The following ADGRA3 variants were observed in gnomAD, a reference collection of about 807,000 sequenced individuals.
The protein encoded by ADGRA3 is G-protein coupled receptor 125.
In ADGRA3, 56 loss-of-function variants were observed where a neutral mutation model predicts 119.8. That is an observed-to-expected ratio of 0.47 (90% CI 0.38 to 0.58). The LOEUF (loss-of-function observed/expected upper bound fraction) is 0.58, where lower values mean the gene tolerates loss of function less well. Among genes scored for constraint, ADGRA3 ranks in the 20% least tolerant of loss-of-function variants. The pLI is 0.00. For synonymous variants in ADGRA3, 607 were observed against 623.8 expected, an observed-to-expected ratio of 0.97 and a Z score of 0.40; for missense variants, 1,516 against 1,649.0, an observed-to-expected ratio of 0.92 and a Z score of 1.40.
chr4:22,411,463 G>A (rs1403232518), intron 14 of ADGRA3, among the ~76,000 whole-genome samples: 1 of 152,066 alleles, frequency 6.6e-6, no homozygotes, highest in East Asian at 1.9e-4. Flanking sequence ...GCCGGGTTTG[G>A]TGGTGCCTGC....
intron 15 of ADGRA3, among the ~76,000 whole-genome samples, chr4:22,402,457 AACTG>A (rs1350497558): frequency 6.6e-6 from 1 of 152,136 alleles, no homozygotes; most frequent in Non-Finnish European, 1.5e-5. Flanking sequence ...AAACCCAGCA[AACTG>A]ACTGGATGCT....
At chr4:22,494,520 C>CCT (rs1718743704) in intron 1 of ADGRA3, among the ~76,000 whole-genome samples, 1 of 151,826 alleles carries the variant, frequency 6.6e-6, no homozygotes, top group South Asian at 2.1e-4. Context: ...CTCTATGAAC[C>CCT]CTCTCTTGGG....
At chr4:22,469,539 A>C (rs1202997264) in intron 2 of ADGRA3, among the ~76,000 whole-genome samples, 1 of 152,200 alleles carries the variant, frequency 6.6e-6, no homozygotes, top group Non-Finnish European at 1.5e-5. Context: ...CCCTAGACTC[A>C]AATTTGTAAC....
In ADGRA3 at chr4:22,388,525, T is replaced by C. The variant is rs759002626; in HGVS notation, c.3146A>G (p.Asn1049Ser). 2 of 1,614,078 alleles carry C rather than the reference T, an allele frequency of 1.2e-6. No individual in the cohort carries two copies. Among genetic ancestry groups the C allele is most frequent in the East Asian group, 2.2e-5 (1 of 44,848 alleles). Residue 1049 changes from asparagine (N) to serine (S), a missense_variant, in exon 19 of 19, where the codon AAT (asparagine) becomes AGT (serine). This residue lies in a region of ADGRA3 where 1,088 missense variants were observed against 1,107.1 expected (regional missense o/e 0.98). Transcript: ENST00000334304. The stretch of plus-strand genomic sequence containing the variant: ...CCACGCAAGTCTAACATCCTCCCTA[T>C]TAACACAATGGTGGACCACGAAGAA... ...SAFFVVHHCV[N>S]REDVRLAWIM...
intron 15 of ADGRA3, among the ~76,000 whole-genome samples, chr4:22,402,196 C>A (rs145117243): frequency 1.4e-3 from 214 of 152,158 alleles, no homozygotes; most frequent in African/African-American, 5.0e-3. Flanking sequence ...TATAGCTTTG[C>A]CTCCGATTAA....
intron 14 of ADGRA3, among the ~76,000 whole-genome samples, chr4:22,403,765 T>A (rs1040129741): frequency 6.6e-6 from 1 of 152,044 alleles, no homozygotes; most frequent in Non-Finnish European, 1.5e-5. Flanking sequence ...TTTAAAAAAA[T>A]AAATAAGCAA....
chr4:22,388,651 A>G lies in ADGRA3; in HGVS notation c.3020T>C (p.Val1007Ala). The change falls in exon 19 of 19, where the codon GTT becomes GCT. Residue 1007 changes from valine (V) to alanine (A), a missense_variant. By Grantham distance (64) the Val-to-Ala change is moderately conservative. This residue lies in a region of ADGRA3 where 1,088 missense variants were observed against 1,107.1 expected (regional missense o/e 0.98). Coordinates refer to ENST00000334304, the MANE Select transcript of ADGRA3 (RefSeq NM_145290.4). Reference protein sequence around the residue: ...LGASLTLLLYVALWMFGALAV... With the variant: ...LGASLTLLLYAALWMFGALAV... ...CAAAGCCCCAAACATCCACAGTGCAACATATAAGAGCAAAGTAAGGCTGGC... is the reference window on the plus strand; with the variant it reads ...CAAAGCCCCAAACATCCACAGTGCAGCATATAAGAGCAAAGTAAGGCTGGC... The G allele has an allele frequency of 1.2e-6, 2 of 1,614,098 alleles. No individual in the cohort carries two copies. Among genetic ancestry groups the G allele is most frequent in the Non-Finnish European group, 1.7e-6 (2 of 1,180,004 alleles).
intron 5 of ADGRA3, among the ~76,000 whole-genome samples, chr4:22,446,517 G>A (rs901293797): frequency 6.6e-6 from 1 of 152,142 alleles, no homozygotes; most frequent in African/African-American, 2.4e-5. Context: ...AAACAAGATG[G>A]AGTATGGAGT....
rs941249447 is a variant in ADGRA3 at position 22,481,780 on chromosome 4, A to G, written c.258-7937T>C. On this transcript the variant is annotated intron_variant, in intron 1 of 18. Coordinates refer to ENST00000334304, the MANE Select transcript of ADGRA3 (RefSeq NM_145290.4). ...CATTCTGGTCTGTAAAACCTAAAATATTTACTAATTGATCTTTTACAGAAA... is the reference window on the plus strand; with the variant it reads ...CATTCTGGTCTGTAAAACCTAAAATGTTTACTAATTGATCTTTTACAGAAA... Among the ~76,000 whole-genome samples the G allele has an allele frequency of 5.3e-5, 8 of 152,142 alleles. 1 individual carries two copies. Among genetic ancestry groups the G allele is most frequent in the Non-Finnish European group, 8.8e-5 (6 of 68,028 alleles).
At chr4:22,497,263 G>T (rs143667932) in intron 1 of ADGRA3, among the ~76,000 whole-genome samples, 3 of 152,020 alleles carry the variant, frequency 2.0e-5, no homozygotes, top group African/African-American at 7.3e-5. Context: ...TAAAGAATCT[G>T]CACACTGTCC....
At chr4:22,476,559 C>T (rs867253186) in intron 1 of ADGRA3, among the ~76,000 whole-genome samples, 11 of 152,082 alleles carry the variant, frequency 7.2e-5, no homozygotes, top group South Asian at 6.2e-4. Context: ...CAATATATTT[C>T]TGACTCTGTA....
intron 1 of ADGRA3, chr4:22,514,452 A>G (rs562584764): frequency 6.6e-6 from 1 of 152,352 alleles, no homozygotes; most frequent in Admixed American, 6.5e-5. Flanking sequence ...AATGAAATGT[A>G]TACCTGGCCT....
intron 14 of ADGRA3, among the ~76,000 whole-genome samples, chr4:22,404,172 G>A (rs916314893): frequency 2.0e-5 from 3 of 151,994 alleles, no homozygotes; most frequent in Admixed American, 2.0e-4. Flanking sequence ...CTGAATAAGC[G>A]AAGGAGCCCA....
chr4:22,452,044 T>C (rs1717062600), intron 4 of ADGRA3, among the ~76,000 whole-genome samples: 1 of 152,214 alleles, frequency 6.6e-6, no homozygotes, highest in Non-Finnish European at 1.5e-5. Flanking sequence ...TAAAGTTTCC[T>C]GATCCACAGC....
intron 14 of ADGRA3, among the ~76,000 whole-genome samples, chr4:22,406,221 G>T (rs1393865010): frequency 6.6e-6 from 1 of 152,066 alleles, no homozygotes; most frequent in Non-Finnish European, 1.5e-5. Flanking sequence ...GTCTGTTGAT[G>T]GACTGATGGA....
intron 1 of ADGRA3, among the ~76,000 whole-genome samples, chr4:22,507,340 T>G (rs1719277927): frequency 6.6e-6 from 1 of 152,228 alleles, no homozygotes; most frequent in Non-Finnish European, 1.5e-5. Context: ...ATTAGCTCTG[T>G]TCTCTAGAGT....
intron 14 of ADGRA3, among the ~76,000 whole-genome samples, chr4:22,406,708 G>C (rs1274847011): frequency 1.3e-5 from 2 of 152,004 alleles, no homozygotes; most frequent in East Asian, 1.9e-4. Context: ...TCCCACAAGA[G>C]CATTTTTGAC....
intron 1 of ADGRA3, among the ~76,000 whole-genome samples, chr4:22,505,400 T>C (rs1481558442): frequency 2.0e-5 from 3 of 152,140 alleles, no homozygotes; most frequent in Non-Finnish European, 4.4e-5. Context: ...CTCATGCCTG[T>C]AATCCCAGTG....
intron 15 of ADGRA3, among the ~76,000 whole-genome samples, chr4:22,402,342 G>C (rs1307629723): frequency 6.6e-6 from 1 of 152,034 alleles, no homozygotes; most frequent in East Asian, 1.9e-4. Flanking sequence ...CACCCCTTTA[G>C]GTACCTCTGC....
Sources: gnomAD v4.1 joint callset for allele counts (sites outside exome capture counted in the v4.1 genomes callset) on GRCh38, gnomAD v4.1.1 for gene constraint, gnomAD v4.1.1 regional missense constraint, MANE v1.5 for transcripts, NCBI Gene and HGNC (gene_info 2026-07-23, HGNC 2026-07-21) for gene names.